Variants in PHIP observed in about 807,000 individuals in gnomAD.
PHIP encodes the protein PHIP subunit of CUL4-Ring ligase complex.
In PHIP, 54 loss-of-function variants were observed where a neutral mutation model predicts 236.8. The observed-to-expected ratio is 0.23, with a 90% CI of 0.18 to 0.29. PHIP has a LOEUF of 0.29. PHIP is among the 10% of genes least tolerant of loss of function. The probability of loss-of-function intolerance (pLI) is 1.00; values close to 1 mark genes in which losing one functional copy is unlikely to be tolerated. For synonymous variants in PHIP, 756 were observed against 718.9 expected (o/e 1.05, Z -0.83); for missense variants, 1,370 against 2,190.8 (o/e 0.63, Z 7.48).
intron 34 of PHIP, 121 bp downstream of exon 34, chr6:78,955,111 A>T: frequency 1.1e-6 from 1 of 870,118 alleles, no homozygotes; most frequent in Non-Finnish European, 1.7e-6. Context: ...TACATTTTGT[A>T]ATTGAAACTA....
intron 15 of PHIP, among the ~76,000 whole-genome samples, chr6:79,008,122 C>T (rs1046273449): frequency 6.6e-6 from 1 of 150,874 alleles, no homozygotes; most frequent in South Asian, 2.1e-4. Context: ...TGCCAGGAGG[C>T]GGAGGTTGCA....
chr6:79,017,647 TAATAA>T, intron 10 of PHIP, 64 bp from the exon 11 acceptor site: 1 of 1,177,056 alleles, frequency 8.5e-7, no homozygotes, highest in East Asian at 2.4e-5. Flanking sequence ...GAAAATTAGA[TAATAA>T]AATGTAAGCA....
chr6:79,043,743 C>T (rs1192256106), intron 6 of PHIP, among the ~76,000 whole-genome samples: 1 of 151,818 alleles, frequency 6.6e-6, no homozygotes, highest in Non-Finnish European at 1.5e-5. Context: ...ATACTGGTAA[C>T]TTATGGACAA....
chr6:79,076,178 A>T (rs774336025), intron 4 of PHIP, among the ~76,000 whole-genome samples: 1 of 152,218 alleles, frequency 6.6e-6, no homozygotes. Flanking sequence ...TTAAACCACA[A>T]GAGATTTATA....
chr6:78,946,045 G>A lies in PHIP; in HGVS notation c.4586C>T (p.Thr1529Ile), dbSNP rs1773793617. 1.9e-6 allele frequency: 3 copies of A among 1,612,272 alleles called. No homozygotes were observed. The highest frequency in any genetic ancestry group is 2.5e-6 in the Non-Finnish European group (3 of 1,178,426). Residue 1529 changes from threonine (T) to isoleucine (I), a missense_variant, in exon 38 of 40, where the codon ACT (threonine) becomes ATT (isoleucine). Around this residue, in one of 14 missense-constraint regions of PHIP, gnomAD observed 309 missense variants for 328.3 expected, o/e 0.94. Coordinates refer to ENST00000275034, the MANE Select transcript of PHIP (RefSeq NM_017934.7). The stretch of plus-strand genomic sequence containing the variant: ...AGATGCATTAGCTTTTGTAATAAAA[G>A]TCTTTGCAGCTGAAGAAGTAGATGG... ...EQPSTSSAAK[T>I]FITKANASAI...
At chr6:78,991,715 C>G (rs1462960112) in intron 19 of PHIP, among the ~76,000 whole-genome samples, 1 of 151,966 alleles carries the variant, frequency 6.6e-6, no homozygotes, top group Non-Finnish European at 1.5e-5. Context: ...TATTTCTTTA[C>G]TAGATGATAT....
At chr6:79,064,840 T>C (rs1582313116) in intron 4 of PHIP, among the ~76,000 whole-genome samples, 2 of 152,246 alleles carry the variant, frequency 1.3e-5, no homozygotes, top group South Asian at 4.1e-4. Context: ...TTTCTATTTA[T>C]AGCATAGACT....
intron 39 of PHIP, 126 bp downstream of exon 39, chr6:78,945,174 C>A: frequency 1.5e-6 from 1 of 656,188 alleles, no homozygotes; most frequent in Non-Finnish European, 2.7e-6. Flanking sequence ...GTAAATTTAT[C>A]AACTAATACA....
At chr6:79,005,350 G>A (rs1770231500) in intron 15 of PHIP, among the ~76,000 whole-genome samples, 1 of 151,848 alleles carries the variant, frequency 6.6e-6, no homozygotes, top group Non-Finnish European at 1.5e-5. Context: ...GGCACCAGGA[G>A]CCATACAGCT....
chr6:79,078,243 CA>C lies in PHIP; in HGVS notation c.-176del. Reference sequence around the variant, plus strand: ...AGGAGGAGGAGGAAACAACAACTCTCAGGCAGCGACTACGGCCGTGGCCGCC... The same window carrying C: ...AGGAGGAGGAGGAAACAACAACTCTCGGCAGCGACTACGGCCGTGGCCGCC... On this transcript the variant is annotated 5_prime_UTR_variant, in exon 1 of 40. Coordinates refer to ENST00000275034, the MANE Select transcript of PHIP (RefSeq NM_017934.7). 3.3e-6 allele frequency: 2 copies of C among 597,840 alleles called. No homozygotes were observed. 37.0% of individuals were successfully genotyped at this position (597,840 alleles called of 1,614,324 possible). A position where few individuals can be genotyped will look rare whatever the true frequency, so the allele number is the denominator to read the frequency against.
At position 79,043,598 on chromosome 6, in the gene PHIP, T is replaced by C. The variant is rs534165778; in HGVS notation, c.440-595A>G. ...CTGGAATCTATTAGCTCTCCCTTAG[T>C]TCTCCCTTTCAACTCATTCATTCTA... is the stretch of plus-strand genomic sequence containing the variant. On this transcript the variant is annotated intron_variant, in intron 6 of 39. Coordinates refer to ENST00000275034, the MANE Select transcript of PHIP (RefSeq NM_017934.7). 1.4e-4 allele frequency among the ~76,000 whole-genome samples: 21 copies of C among 152,226 alleles called. No individual in the cohort carries two copies. The Middle Eastern group carries it at 0.014, about 99-fold the overall frequency.
In PHIP at chr6:78,997,502, C is replaced by A; in HGVS notation, c.2113G>T (p.Ala705Ser). ...TCTGTGGCTATTTCACTTCTTGGTG[C>A]GTTGCTGTGCATTTGCCGTACACCT... is the stretch of plus-strand genomic sequence containing the variant. ...IEGVRQMHSN[A>S]PRSEIATERD... The change falls in exon 19 of 40, where the codon GCA (alanine) becomes TCA (serine). Residue 705 changes from alanine to serine, a missense_variant. Around this residue, in one of 14 missense-constraint regions of PHIP, gnomAD observed 133 missense variants for 245.2 expected, o/e 0.54. Coordinates refer to ENST00000275034, the MANE Select transcript of PHIP (RefSeq NM_017934.7). 6.2e-7 allele frequency: 1 copy of A among 1,614,012 alleles called. No individual in the cohort carries two copies. Among genetic ancestry groups the A allele is most frequent in the Non-Finnish European group, 8.5e-7 (1 of 1,179,930 alleles).
In PHIP at chr6:79,062,968, G is replaced by A. The variant is rs142795361; in HGVS notation, c.190-2150C>T. Among the ~76,000 whole-genome samples, 839 of 152,136 alleles carry A rather than the reference G, an allele frequency of 5.5e-3. 6 individuals carry two copies. The highest frequency in any genetic ancestry group is 0.019 in the African/African-American group (806 of 41,484). On this transcript the variant is annotated intron_variant, in intron 4 of 39. Transcript: ENST00000275034. ...GTTCCCACAGCACATTATACTCCTC[G>A]AATGTCCCTTCATCCCTCTAGCACT...
intron 29 of PHIP, among the ~76,000 whole-genome samples, chr6:78,965,479 G>A (rs1268422803): frequency 6.6e-5 from 10 of 152,168 alleles, no homozygotes; most frequent in Non-Finnish European, 1.3e-4. Flanking sequence ...ATGTTTTGCT[G>A]TAATAAATTA....
At chr6:79,026,501 C>A (rs1771408203) in intron 7 of PHIP, among the ~76,000 whole-genome samples, 1 of 151,500 alleles carries the variant, frequency 6.6e-6, no homozygotes, top group Non-Finnish European at 1.5e-5. Context: ...AAAACAAATG[C>A]AAGCTACAAT....
chr6:79,033,870 T>C (rs1237411538), intron 7 of PHIP, among the ~76,000 whole-genome samples: 1 of 152,184 alleles, frequency 6.6e-6, no homozygotes, highest in Admixed American at 6.5e-5. Flanking sequence ...AGACTCTTCC[T>C]CTCACTTGAA....
chr6:79,056,541 C>A (rs189914121), intron 6 of PHIP, among the ~76,000 whole-genome samples: 1 of 152,002 alleles, frequency 6.6e-6, no homozygotes, highest in African/African-American at 2.4e-5. Context: ...TAATTTTGCC[C>A]AGGAGATATT....
intron 21 of PHIP, among the ~76,000 whole-genome samples, chr6:78,986,995 T>C (rs1002374501): frequency 1.3e-5 from 2 of 152,084 alleles, no homozygotes; most frequent in Admixed American, 1.3e-4. Context: ...ACAAAACATC[T>C]GAACCAAAAA....
intron 15 of PHIP, among the ~76,000 whole-genome samples, chr6:79,013,312 C>T (rs1323817161): frequency 6.6e-6 from 1 of 151,630 alleles, no homozygotes; most frequent in African/African-American, 2.4e-5. Context: ...GGCTCACTTT[C>T]TGTTTTTTAG....
Sources: gnomAD v4.1 joint callset for allele counts (sites outside exome capture counted in the v4.1 genomes callset) on GRCh38, gnomAD v4.1.1 for gene constraint, gnomAD v4.1.1 regional missense constraint, MANE v1.5 for transcripts, NCBI Gene and HGNC (gene_info 2026-07-23, HGNC 2026-07-21) for gene names.